FBXW11: variants seen among roughly 807,000 people sequenced by gnomAD.
FBXW11 encodes the protein F-box/WD repeat-containing protein 11.
In FBXW11, 19 loss-of-function variants were observed where a neutral mutation model predicts 77.6. The ratio of observed to expected loss-of-function variants is 0.24; its 90% CI spans 0.17 to 0.36. The LOEUF is 0.36. Ranked by LOEUF, FBXW11 falls within the 10% of genes least tolerant of loss-of-function variation. The probability of loss-of-function intolerance (pLI) is 1.00; values close to 1 mark genes in which losing one functional copy is unlikely to be tolerated. For synonymous variants in FBXW11, 235 were observed against 249.4 expected, an observed-to-expected ratio of 0.94 and a Z score of 0.54; for missense variants, 334 against 704.2, an observed-to-expected ratio of 0.47 and a Z score of 5.95.
chr5:171,874,969 CAG>C (rs566263255), intron 9 of FBXW11, among the ~76,000 whole-genome samples: 148 of 152,034 alleles, frequency 9.7e-4, no homozygotes, highest in African/African-American at 3.4e-3. Flanking sequence ...AAGCTAAACA[CAG>C]AGTTACCATC....
At chr5:171,875,448 G>A (rs979066928) in intron 9 of FBXW11, among the ~76,000 whole-genome samples, 8 of 152,192 alleles carry the variant, frequency 5.3e-5, no homozygotes, top group Non-Finnish European at 8.8e-5. Flanking sequence ...CAGGGACTGG[G>A]AAGAAACACA....
intron 7 of FBXW11, among the ~76,000 whole-genome samples, chr5:171,879,533 T>C (rs1465828913): frequency 6.6e-6 from 1 of 152,244 alleles, no homozygotes; most frequent in Non-Finnish European, 1.5e-5. Context: ...CCTTCTGAAG[T>C]GGCTGTACTA....
Position 171,868,800 on chromosome 5 carries a change from T to C in FBXW11, c.1531-4A>G, listed in dbSNP as rs759592966. The C allele has an allele frequency of 5.6e-6, 9 of 1,609,622 alleles. No individual in the cohort carries two copies. The East Asian group carries it at 6.7e-5, about 12-fold the overall frequency. On this transcript the variant is annotated splice_region_variant and splice_polypyrimidine_tract_variant and intron_variant, in intron 12 of 13. Transcript: ENST00000517395. ...GAAACACACGTCCAGAATGTTCCTA[T>C]GAAATACAAAACTTCATGAATAAAA...
intron 1 of FBXW11, among the ~76,000 whole-genome samples, chr5:171,970,574 C>T (rs1764467103): frequency 6.6e-6 from 1 of 152,320 alleles, no homozygotes; most frequent in Admixed American, 6.5e-5. Flanking sequence ...TGAATACATA[C>T]AACATTTATT....
intron 1 of FBXW11, among the ~76,000 whole-genome samples, chr5:171,979,161 A>C (rs1255805231): frequency 2.0e-5 from 3 of 152,148 alleles, no homozygotes; most frequent in Non-Finnish European, 2.9e-5. Context: ...GTCTCTACAA[A>C]ACTTCAAAAA....
At chr5:171,939,798 C>T (rs1762657157) in intron 2 of FBXW11, among the ~76,000 whole-genome samples, 2 of 151,652 alleles carry the variant, frequency 1.3e-5, no homozygotes, top group Non-Finnish European at 2.9e-5. Context: ...GTTTGCAAGG[C>T]GTGTCATCCC....
chr5:171,894,688 CT>C (rs142463470), intron 6 of FBXW11, among the ~76,000 whole-genome samples: 5,124 of 130,044 alleles, frequency 0.039, 211 homozygotes, highest in African/African-American at 0.11. Context: ...TAACCCAGGT[CT>C]TTTTTTTTTT....
chr5:171,867,151 C>T (rs903481682), intron 13 of FBXW11, among the ~76,000 whole-genome samples: 1 of 152,048 alleles, frequency 6.6e-6, no homozygotes, highest in South Asian at 2.1e-4. Flanking sequence ...CTTGGTTTAC[C>T]GCTAATAGAT....
intron 4 of FBXW11, among the ~76,000 whole-genome samples, chr5:171,903,065 C>T (rs188347228): frequency 6.6e-6 from 1 of 152,164 alleles, no homozygotes; most frequent in Non-Finnish European, 1.5e-5. Flanking sequence ...ACATTTTGGA[C>T]AATTTAACAT....
chr5:171,999,338 A>G (rs1186103458), intron 1 of FBXW11, among the ~76,000 whole-genome samples: 4 of 151,890 alleles, frequency 2.6e-5, no homozygotes, highest in African/African-American at 9.7e-5. Flanking sequence ...GACCTCTTGA[A>G]TCCTCAGGCT....
intron 3 of FBXW11, among the ~76,000 whole-genome samples, chr5:171,912,901 C>G (rs1203153531): frequency 6.7e-6 from 1 of 149,394 alleles, no homozygotes; most frequent in African/African-American, 2.5e-5. Context: ...CACAGCAAGA[C>G]TGCGTCAAAA....
chr5:171,875,974 A>C (rs1014480414), intron 9 of FBXW11, among the ~76,000 whole-genome samples: 11 of 152,218 alleles, frequency 7.2e-5, no homozygotes, highest in African/African-American at 2.7e-4. Flanking sequence ...GCTGAGTGTT[A>C]ACTGAGACCA....
At chr5:171,865,160 A>C (rs1208487982) in intron 13 of FBXW11, among the ~76,000 whole-genome samples, 1 of 152,176 alleles carries the variant, frequency 6.6e-6, no homozygotes, top group Non-Finnish European at 1.5e-5. Flanking sequence ...CAAAAACATT[A>C]ATGCCCCAGG....
rs568034702 is a variant in FBXW11, at chr5:172,006,564, G to A, written c.-62C>T. 9.0e-6 allele frequency: 13 copies of A among 1,444,104 alleles called. No homozygotes were observed. Among genetic ancestry groups the A allele is most frequent in the Non-Finnish European group, 1.2e-5 (13 of 1,095,414 alleles). 89.5% of individuals were successfully genotyped at this position (1,444,104 alleles called of 1,614,324 possible). ...AGCAGCGAACGGCCCGGGCGGAGGA[G>A]GCGACGGCGGAGGCGGCAGAGGCGG... On this transcript the variant is annotated 5_prime_UTR_variant, in exon 1 of 14. Coordinates refer to ENST00000517395, the MANE Select transcript of FBXW11 (RefSeq NM_001378974.1).
At position 171,951,183 on chromosome 5, in the gene FBXW11, T is replaced by C. The variant is rs552804604; in HGVS notation, c.147+6414A>G. Among the ~76,000 whole-genome samples, 8 of 143,166 alleles carry C rather than the reference T, an allele frequency of 5.6e-5. No individual in the cohort carries two copies. The East Asian group carries it at 1.1e-3, about 19-fold the overall frequency. 93.9% of individuals were successfully genotyped at this position (143,166 alleles called of 152,430 possible). A position where few individuals can be genotyped will look rare whatever the true frequency, so the allele number is the denominator to read the frequency against. ...TGCAATGAAATCACTGAAGTTCCTA[T>C]AATACAACCCCCGCCACAAAAGACA... On this transcript the variant is annotated intron_variant, in intron 2 of 13. Coordinates refer to ENST00000517395, the MANE Select transcript of FBXW11 (RefSeq NM_001378974.1).
intron 6 of FBXW11, among the ~76,000 whole-genome samples, chr5:171,895,687 T>C (rs1410969575): frequency 4.6e-5 from 7 of 152,288 alleles, no homozygotes; most frequent in South Asian, 2.1e-4. Flanking sequence ...TAATAGACAA[T>C]TGGGGGCACG....
chr5:171,889,120 A>C (rs929596273), intron 7 of FBXW11, among the ~76,000 whole-genome samples: 1 of 152,262 alleles, frequency 6.6e-6, no homozygotes, highest in Admixed American at 6.5e-5. Context: ...CTGAAATGTA[A>C]TGAATGAAAG....
Position 171,862,839 on chromosome 5 carries a change from G to C in FBXW11, c.*1288C>G, listed in dbSNP as rs1199998335. Reference sequence around the variant, plus strand: ...CCTGCAGGCTCCAACACACCAGCAGGCCCTGCCAGAACCTTGGCAAGGCCA... The same window carrying C: ...CCTGCAGGCTCCAACACACCAGCAGCCCCTGCCAGAACCTTGGCAAGGCCA... On this transcript the variant is annotated 3_prime_UTR_variant, in exon 14 of 14. Transcript: ENST00000517395. 3 of 152,214 alleles carry C rather than the reference G, an allele frequency of 2.0e-5. No individual in the cohort carries two copies. The highest frequency in any genetic ancestry group is 2.9e-5 in the Non-Finnish European group (2 of 68,080). 9.4% of individuals were successfully genotyped at this position (152,214 alleles called of 1,614,324 possible). A position where few individuals can be genotyped will look rare whatever the true frequency, so the allele number is the denominator to read the frequency against.
intron 2 of FBXW11, among the ~76,000 whole-genome samples, chr5:171,931,935 T>C (rs1314842034): frequency 6.9e-6 from 1 of 143,970 alleles, no homozygotes; most frequent in Non-Finnish European, 1.5e-5. Context: ...AGTGCAGTGA[T>C]GCAATCACCA....
Sources: allele counts gnomAD v4.1 joint callset (sites outside exome capture counted in the v4.1 genomes callset), GRCh38; gene constraint gnomAD v4.1.1; transcripts MANE v1.5; gene names NCBI Gene and HGNC (gene_info 2026-07-23, HGNC 2026-07-21).